GRM7: variants seen among roughly 807,000 people sequenced by gnomAD.
The protein encoded by GRM7 is metabotropic glutamate receptor 7.
A neutral mutation model predicts 84.5 loss-of-function variants in GRM7; 35 were observed. The ratio of observed to expected loss-of-function variants is 0.41; its 90% CI spans 0.32 to 0.55. GRM7 has a LOEUF of 0.55. Ranked by LOEUF, GRM7 falls within the 20% of genes least tolerant of loss-of-function variation. GRM7 has a pLI of 0.19. For missense variants in GRM7, 1,003 were observed against 1,194.6 expected (o/e 0.84, Z 2.36); for synonymous variants, 487 against 455.1 (o/e 1.07, Z -0.89).
chr3:7,320,517 C>T (rs920879471), intron 4 of GRM7, among the ~76,000 whole-genome samples: 1 of 151,890 alleles, frequency 6.6e-6, no homozygotes, highest in Admixed American at 6.6e-5. Flanking sequence ...GTTGTGTCCT[C>T]CAGATATAGA....
rs1219295136 is a variant in GRM7 at position 7,643,529 on chromosome 3, A to G, written c.2452-36520A>G. 3.3e-5 allele frequency among the ~76,000 whole-genome samples: 5 copies of G among 152,198 alleles called. No homozygotes were observed. In the South Asian group the frequency reaches 8.3e-4, roughly 25 times the overall value. ...TTAAAATGCTAGTCATTTATCCACA[A>G]TTTTTAAAACACTGTACATATTGTT... On this transcript the variant is annotated intron_variant, in intron 8 of 9. Coordinates refer to ENST00000357716, the MANE Select transcript of GRM7 (RefSeq NM_000844.4).
At chr3:7,104,510 C>T (rs1281048806) in intron 1 of GRM7, among the ~76,000 whole-genome samples, 2 of 151,750 alleles carry the variant, frequency 1.3e-5, no homozygotes, top group Non-Finnish European at 2.9e-5. Flanking sequence ...AGTTAGGATC[C>T]ATTATCAGCG....
chr3:7,621,234 C>A (rs138893113), intron 8 of GRM7, among the ~76,000 whole-genome samples: 1 of 152,062 alleles, frequency 6.6e-6, no homozygotes, highest in Admixed American at 6.6e-5. Context: ...TCCAAAGTGA[C>A]CAAATCTCAA....
intron 1 of GRM7, among the ~76,000 whole-genome samples, chr3:6,878,131 C>T (rs421802): frequency 0.45 from 68,160 of 151,608 alleles, 15,624 homozygotes; most frequent in South Asian, 0.51. Context: ...TACAAACATG[C>T]CCCCCAAAAA....
At chr3:7,418,319 G>T (rs1284800580) in intron 5 of GRM7, among the ~76,000 whole-genome samples, 1 of 152,162 alleles carries the variant, frequency 6.6e-6, no homozygotes, top group African/African-American at 2.4e-5. Context: ...TCCTGCTCAT[G>T]GGATATATTG....
chr3:7,146,469 T>C lies in GRM7; in HGVS notation c.537T>C (p.Tyr179=). 1.2e-6 allele frequency: 2 copies of C among 1,613,266 alleles called. No individual in the cohort carries two copies. Among genetic ancestry groups the C allele is most frequent in the Non-Finnish European group, 1.7e-6 (2 of 1,179,672 alleles). The change falls in exon 2 of 10, where the codon TAT becomes TAC. Residue 179 remains tyrosine, a synonymous_variant. Coordinates refer to ENST00000357716, the MANE Select transcript of GRM7 (RefSeq NM_000844.4). ...LRLFQIPQIS[Y]ASTAPELSDD... is the part of the protein sequence containing the mutation. ...CTTTGCAGATCCCCCAGATTAGTTA[T>C]GCATCAACGGCACCCGAGCTAAGTG...
At chr3:7,024,946 T>C (rs939850946) in intron 1 of GRM7, among the ~76,000 whole-genome samples, 1 of 152,206 alleles carries the variant, frequency 6.6e-6, no homozygotes, top group Non-Finnish European at 1.5e-5. Flanking sequence ...GAAGTTGAAA[T>C]GGGTCTCATA....
At chr3:7,323,764 T>G (rs1700876617) in intron 4 of GRM7, among the ~76,000 whole-genome samples, 1 of 152,210 alleles carries the variant, frequency 6.6e-6, no homozygotes, top group Non-Finnish European at 1.5e-5. Context: ...TCTAAAACAA[T>G]GTTAATGATT....
At chr3:7,001,340 A>G (rs1695007904) in intron 1 of GRM7, among the ~76,000 whole-genome samples, 1 of 152,070 alleles carries the variant, frequency 6.6e-6, no homozygotes, top group Non-Finnish European at 1.5e-5. Context: ...ACAGAGTGAG[A>G]CCCTGTCTCC....
In GRM7 at chr3:7,572,944, A is replaced by G. The variant is rs546551379; in HGVS notation, c.1516-5478A>G. 2.2e-4 allele frequency among the ~76,000 whole-genome samples: 32 copies of G among 143,680 alleles called. 1 individual carries two copies. The South Asian group carries it at 6.3e-3, about 29-fold the overall frequency. The allele number at this position is 143,680 out of a possible 152,430, so 94.3% of individuals were successfully genotyped here. A position where few individuals can be genotyped will look rare whatever the true frequency, so the allele number is the denominator to read the frequency against. ...GTACATTTAAAAAAGGTTGACTTTT[A>G]TAAGTTTTGAATAAGTGGAATCTGA... On this transcript the variant is annotated intron_variant, in intron 7 of 9. Coordinates refer to ENST00000357716, the MANE Select transcript of GRM7 (RefSeq NM_000844.4).
chr3:7,484,829 A>T (rs191434420), intron 7 of GRM7, among the ~76,000 whole-genome samples: 115 of 152,222 alleles, frequency 7.6e-4, no homozygotes, highest in African/African-American at 2.8e-3. Context: ...AAAGCTAGTG[A>T]CTCATTCTTA....
chr3:7,055,347 C>T (rs1211511697), intron 1 of GRM7, among the ~76,000 whole-genome samples: 1 of 151,758 alleles, frequency 6.6e-6, no homozygotes, highest in Non-Finnish European at 1.5e-5. Flanking sequence ...CAACATCCTT[C>T]TTCAAATCTG....
chr3:7,576,899 A>G (rs1358070252), intron 7 of GRM7, among the ~76,000 whole-genome samples: 1 of 152,210 alleles, frequency 6.6e-6, no homozygotes, highest in Non-Finnish European at 1.5e-5. Flanking sequence ...ACTGGCTTAC[A>G]TAATGTCATA....
intron 7 of GRM7, among the ~76,000 whole-genome samples, chr3:7,511,468 TGACTGCTTGC>T (rs1388126928): frequency 2.6e-5 from 4 of 152,160 alleles, no homozygotes; most frequent in East Asian, 1.9e-4. Flanking sequence ...ACAGACATTG[TGACTGCTTGC>T]CATCAAGATT....
intron 1 of GRM7, among the ~76,000 whole-genome samples, chr3:7,057,943 A>G (rs926312368): frequency 2.6e-5 from 4 of 151,958 alleles, no homozygotes; most frequent in African/African-American, 4.8e-5. Context: ...GACAGGTCAT[A>G]TTTTGTATAA....
intron 1 of GRM7, among the ~76,000 whole-genome samples, chr3:6,972,387 G>A (rs755715027): frequency 3.3e-5 from 5 of 152,098 alleles, no homozygotes; most frequent in African/African-American, 7.2e-5. Flanking sequence ...CTGATAGAGC[G>A]CAGAAGGTAA....
intron 1 of GRM7, among the ~76,000 whole-genome samples, chr3:7,025,441 C>G (rs1695947030): frequency 6.6e-6 from 1 of 152,146 alleles, no homozygotes; most frequent in African/African-American, 2.4e-5. Context: ...ATTTAATATA[C>G]AGCGTGAGTA....
chr3:7,729,633 T>A (rs1020964578), intron 9 of GRM7, among the ~76,000 whole-genome samples: 2 of 152,222 alleles, frequency 1.3e-5, no homozygotes, highest in South Asian at 2.1e-4. Context: ...AGTGGTTCAG[T>A]ATTCAGTAAT....
intron 2 of GRM7, among the ~76,000 whole-genome samples, chr3:7,275,230 T>A (rs766801023): frequency 1.3e-5 from 2 of 152,336 alleles, no homozygotes; most frequent in Middle Eastern, 3.4e-3. Flanking sequence ...TAATTATAGC[T>A]GTTTTAAATA....
Sources: gnomAD v4.1 joint callset for allele counts (sites outside exome capture counted in the v4.1 genomes callset) on GRCh38, gnomAD v4.1.1 for gene constraint, MANE v1.5 for transcripts, NCBI Gene and HGNC (gene_info 2026-07-23, HGNC 2026-07-21) for gene names.